Variants in SLC44A5 observed in about 807,000 individuals in gnomAD.
SLC44A5 encodes choline transporter-like protein 5.
SLC44A5 carries 57 observed loss-of-function variants against 101.8 expected under a neutral mutation model. That is an observed-to-expected ratio of 0.56 (90% CI 0.45 to 0.70). The LOEUF (loss-of-function observed/expected upper bound fraction) is 0.70, where lower values mean the gene tolerates loss of function less well. Ranked by LOEUF, SLC44A5 falls within the 30% of genes least tolerant of loss-of-function variation. The pLI is 0.00. For missense variants in SLC44A5, 737 were observed against 853.1 expected, an observed-to-expected ratio of 0.86 and a Z score of 1.70; for synonymous variants, 281 against 290.9, an observed-to-expected ratio of 0.97 and a Z score of 0.35.
At chr1:75,404,204 A>G (rs1481377434) in intron 2 of SLC44A5, among the ~76,000 whole-genome samples, 2 of 152,152 alleles carry the variant, frequency 1.3e-5, no homozygotes, top group Admixed American at 6.5e-5. Context: ...ACTATGTGAA[A>G]AGACCAACCT....
the SLC44A5 span, among the ~76,000 whole-genome samples, chr1:75,640,904 G>T: frequency 6.6e-6 from 1 of 151,842 alleles, no homozygotes; most frequent in Non-Finnish European, 1.5e-5. Context: ...CTTTCCTCTT[G>T]GAAAATATTA....
the SLC44A5 span, among the ~76,000 whole-genome samples, chr1:75,704,586 C>A: frequency 3.3e-5 from 5 of 152,102 alleles, no homozygotes; most frequent in African/African-American, 4.8e-5. Flanking sequence ...GGTTTCAATG[C>A]TGTTGTGAAT....
intron 6 of SLC44A5, among the ~76,000 whole-genome samples, chr1:75,263,182 A>G (rs1423226705): frequency 2.0e-5 from 3 of 152,224 alleles, no homozygotes; most frequent in Non-Finnish European, 4.4e-5. Flanking sequence ...TTAACATCAG[A>G]GTGAACAAGC....
chr1:75,631,695 C>T, the SLC44A5 span, among the ~76,000 whole-genome samples: 1 of 151,886 alleles, frequency 6.6e-6, no homozygotes, highest in Admixed American at 6.6e-5. Context: ...CTCCACTGCG[C>T]CCAGCTAATT....
At chr1:75,455,035 T>C (rs1234988643) in intron 2 of SLC44A5, among the ~76,000 whole-genome samples, 6 of 152,082 alleles carry the variant, frequency 3.9e-5, no homozygotes, top group African/African-American at 1.4e-4. Flanking sequence ...AAAATTCATA[T>C]GGAACACAAA....
At chr1:75,689,613 G>T in the SLC44A5 span, among the ~76,000 whole-genome samples, 2 of 152,182 alleles carry the variant, frequency 1.3e-5, no homozygotes, top group Non-Finnish European at 2.9e-5. Context: ...AGAGGGGTTT[G>T]CACAGAAATA....
At chr1:75,385,209 G>A (rs1661220025) in intron 3 of SLC44A5, among the ~76,000 whole-genome samples, 1 of 145,750 alleles carries the variant, frequency 6.9e-6, no homozygotes. Context: ...ACTAAAATCA[G>A]AGCAGAACTG....
At chr1:75,403,792 C>T (rs1470644549) in intron 2 of SLC44A5, among the ~76,000 whole-genome samples, 4 of 152,076 alleles carry the variant, frequency 2.6e-5, no homozygotes, top group African/African-American at 4.8e-5. Context: ...GCCTCTTCTC[C>T]TCCACAGGAT....
the SLC44A5 span, among the ~76,000 whole-genome samples, chr1:75,663,030 T>C: frequency 6.6e-6 from 1 of 152,168 alleles, no homozygotes; most frequent in African/African-American, 2.4e-5. Flanking sequence ...CAATACATAG[T>C]CAGTTTATAC....
the SLC44A5 span, among the ~76,000 whole-genome samples, chr1:75,712,661 A>G: frequency 1.4e-5 from 2 of 145,968 alleles, no homozygotes; most frequent in East Asian, 2.0e-4. Context: ...GCCCAGTTCT[A>G]TTACTATTGC....
intron 4 of SLC44A5, among the ~76,000 whole-genome samples, chr1:75,330,408 C>T (rs538555452): frequency 1.3e-5 from 2 of 152,162 alleles, no homozygotes; most frequent in East Asian, 3.9e-4. Flanking sequence ...ACCAGCAAGA[C>T]TACCTCTTCT....
At chr1:75,477,444 A>C (rs1667495114) in intron 2 of SLC44A5, among the ~76,000 whole-genome samples, 1 of 152,206 alleles carries the variant, frequency 6.6e-6, no homozygotes, top group Non-Finnish European at 1.5e-5. Flanking sequence ...TCAGATGATC[A>C]AACTACTCCG....
intron 3 of SLC44A5, among the ~76,000 whole-genome samples, chr1:75,383,504 G>A (rs556761427): frequency 6.6e-6 from 1 of 152,024 alleles, no homozygotes; most frequent in Non-Finnish European, 1.5e-5. Flanking sequence ...GAAGTTTAGA[G>A]AAAAAAGAAT....
intron 2 of SLC44A5, among the ~76,000 whole-genome samples, chr1:75,414,308 TAC>T (rs1279987884): frequency 1.7e-4 from 24 of 142,098 alleles, no homozygotes; most frequent in Admixed American, 5.7e-4. Context: ...CATACATACA[TAC>T]ATACATATCC....
the SLC44A5 span, among the ~76,000 whole-genome samples, chr1:75,690,933 G>A: frequency 3.3e-5 from 5 of 151,858 alleles, no homozygotes; most frequent in South Asian, 2.1e-4. Context: ...TTCAAGACCA[G>A]CCTGGGTGAC....
intron 3 of SLC44A5, among the ~76,000 whole-genome samples, chr1:75,393,194 A>C (rs578237430): frequency 7.9e-5 from 12 of 152,308 alleles, no homozygotes; most frequent in Non-Finnish European, 1.8e-4. Context: ...AGATAGAAAA[A>C]TATCTAAACA....
intron 6 of SLC44A5, among the ~76,000 whole-genome samples, chr1:75,273,859 T>C (rs1002540987): frequency 6.6e-6 from 1 of 152,100 alleles, no homozygotes; most frequent in African/African-American, 2.4e-5. Context: ...TGTTCTTTCC[T>C]GGTTTTAATA....
chr1:75,567,969 A>G lies in SLC44A5; in HGVS notation c.-69-26453T>C, dbSNP rs191690356. Among the ~76,000 whole-genome samples the G allele has an allele frequency of 2.3e-4, 35 of 152,326 alleles. No homozygotes were observed. The East Asian group carries it at 6.8e-3, about 29-fold the overall frequency. ...TAGCTATTGCTACCCCATGGCTGCA[A>G]TAATGAGCACAGACTTCTCGGCATA... On this transcript the variant is annotated intron_variant, in intron 1 of 23. Transcript: ENST00000370859.
At chr1:75,345,365 T>C (rs1570731693) in intron 3 of SLC44A5, among the ~76,000 whole-genome samples, 3 of 152,090 alleles carry the variant, frequency 2.0e-5, no homozygotes, top group African/African-American at 7.2e-5. Context: ...GGAGAATTAC[T>C]TTTTGCCCCT....
Sources: allele counts gnomAD v4.1 joint callset (sites outside exome capture counted in the v4.1 genomes callset), GRCh38; gene constraint gnomAD v4.1.1; transcripts MANE v1.5; gene names NCBI Gene and HGNC (gene_info 2026-07-23, HGNC 2026-07-21).